Variants in XYLT1 observed in about 807,000 individuals in gnomAD.
XYLT1 encodes the protein beta-D-xylosyltransferase 1.
XYLT1 carries 36 observed loss-of-function variants against 91.3 expected under a neutral mutation model. The observed-to-expected ratio is 0.39, with a 90% CI of 0.30 to 0.52. The LOEUF is 0.52. XYLT1 is among the 20% of genes least tolerant of loss of function. The pLI is 0.68. For missense variants in XYLT1, 1,242 were observed against 1,284.5 expected (o/e 0.97, Z 0.51); for synonymous variants, 588 against 532.0 (o/e 1.11, Z -1.45).
chr16:17,449,192 T>C (rs2036632139), intron 1 of XYLT1, among the ~76,000 whole-genome samples: 1 of 152,170 alleles, frequency 6.6e-6, no homozygotes, highest in South Asian at 2.1e-4. Flanking sequence ...TCTCTTCCAC[T>C]CTCTCCTGCT....
chr16:17,109,705 T>C (rs991821683), intron 11 of XYLT1, among the ~76,000 whole-genome samples: 1 of 152,236 alleles, frequency 6.6e-6, no homozygotes, highest in Non-Finnish European at 1.5e-5. Context: ...AGCTGAGTAT[T>C]TGAGACAGAC....
At chr16:17,461,107 T>C (rs948929078) in intron 1 of XYLT1, among the ~76,000 whole-genome samples, 2 of 152,218 alleles carry the variant, frequency 1.3e-5, no homozygotes, top group African/African-American at 2.4e-5. Context: ...CCCCACAGCA[T>C]CTGCCCATCT....
chr16:17,357,384 TC>T (rs1333128369), intron 2 of XYLT1, among the ~76,000 whole-genome samples: 2 of 152,128 alleles, frequency 1.3e-5, no homozygotes, highest in African/African-American at 4.8e-5. Flanking sequence ...GAGGTGGAAT[TC>T]CACCTGGCTC....
At chr16:17,469,201 C>G (rs755461639) in intron 1 of XYLT1, among the ~76,000 whole-genome samples, 1 of 152,236 alleles carries the variant, frequency 6.6e-6, no homozygotes, top group Non-Finnish European at 1.5e-5. Context: ...GAAAGCATCA[C>G]GCTGTGTACT....
intron 1 of XYLT1, among the ~76,000 whole-genome samples, chr16:17,400,573 G>T (rs1360441985): frequency 7.2e-6 from 1 of 138,508 alleles, no homozygotes; most frequent in Non-Finnish European, 1.6e-5. Flanking sequence ...CTGGGTGACA[G>T]AAAGAGACTC....
chr16:17,188,211 G>A (rs2032230179), intron 5 of XYLT1, among the ~76,000 whole-genome samples: 1 of 151,968 alleles, frequency 6.6e-6, no homozygotes, highest in African/African-American at 2.4e-5. Flanking sequence ...TTGTGATCTG[G>A]CCTCCCCACT....
At chr16:17,191,287 A>C (rs994846568) in intron 5 of XYLT1, among the ~76,000 whole-genome samples, 1 of 152,220 alleles carries the variant, frequency 6.6e-6, no homozygotes, top group African/African-American at 2.4e-5. Flanking sequence ...TAACTACAGG[A>C]ATTCTTTGAC....
intron 2 of XYLT1, among the ~76,000 whole-genome samples, chr16:17,332,598 ACAC>A (rs2034917417): frequency 6.6e-6 from 1 of 151,618 alleles, no homozygotes; most frequent in Non-Finnish European, 1.5e-5. Context: ...ACACACACAC[ACAC>A]ACACACACAC....
At chr16:17,357,190 A>C (rs28529129) in intron 2 of XYLT1, among the ~76,000 whole-genome samples, 101 of 146,552 alleles carry the variant, frequency 6.9e-4, no homozygotes, top group Non-Finnish European at 4.8e-4. Flanking sequence ...AAAAAAAAAA[A>C]AAAAAAAAAC....
chr16:17,454,887 A>C, intron 1 of XYLT1, among the ~76,000 whole-genome samples: 1 of 139,832 alleles, frequency 7.2e-6, no homozygotes, highest in Non-Finnish European at 1.5e-5. Context: ...ACGCGTCACA[A>C]AATATCATTC....
rs552824987 is a variant in XYLT1 at position 17,364,275 on chromosome 16, A to G, written c.364-6225T>C. Among the ~76,000 whole-genome samples the G allele has an allele frequency of 7.9e-5, 12 of 152,314 alleles. No individual in the cohort carries two copies. The South Asian group carries it at 8.3e-4, about 11-fold the overall frequency. On this transcript the variant is annotated intron_variant, in intron 1 of 11. Transcript: ENST00000261381. ...AACAGAGCTACTGTAACAAAGTGGA[A>G]AACAGATTTTCTGGGACCTTTTTGT...
In XYLT1 at chr16:17,155,508, C is replaced by A. The variant is rs115125960; in HGVS notation, c.1370+3321G>T. Among the ~76,000 whole-genome samples the A allele has an allele frequency of 4.8e-3, 733 of 152,294 alleles. 6 individuals are homozygous for A. Among genetic ancestry groups the A allele is most frequent in the African/African-American group, 0.017 (698 of 41,546 alleles). On this transcript the variant is annotated intron_variant, in intron 6 of 11. Coordinates refer to ENST00000261381, the MANE Select transcript of XYLT1 (RefSeq NM_022166.4). ...CAAAAGAGTTCTCCCTAACACATCA[C>A]CAGTGAAAGAACTTGAGCAAGCCAC...
intron 1 of XYLT1, among the ~76,000 whole-genome samples, chr16:17,371,885 A>C (rs1487105731): frequency 1.3e-5 from 2 of 152,224 alleles, no homozygotes; most frequent in African/African-American, 4.8e-5. Context: ...CACATATGTG[A>C]GCATCCACAT....
At chr16:17,332,093 G>A in intron 2 of XYLT1, among the ~76,000 whole-genome samples, 1 of 152,210 alleles carries the variant, frequency 6.6e-6, no homozygotes. Flanking sequence ...GCCCCTGGAT[G>A]TTCACCCTGT....
intron 1 of XYLT1, among the ~76,000 whole-genome samples, chr16:17,379,887 G>A (rs79432202): frequency 0.019 from 2,855 of 152,130 alleles, 46 homozygotes; most frequent in Non-Finnish European, 0.032. Context: ...GTATTTGAAA[G>A]ATTGCTTAGG....
At chr16:17,433,641 G>A (rs1362796651) in intron 1 of XYLT1, among the ~76,000 whole-genome samples, 1 of 152,190 alleles carries the variant, frequency 6.6e-6, no homozygotes, top group Non-Finnish European at 1.5e-5. Flanking sequence ...TCTGGGTGCT[G>A]GGTAGTTGAG....
intron 1 of XYLT1, among the ~76,000 whole-genome samples, chr16:17,401,369 T>C (rs957948995): frequency 6.6e-6 from 1 of 152,280 alleles, no homozygotes; most frequent in Non-Finnish European, 1.5e-5. Flanking sequence ...CCTAAATTTA[T>C]ACAGAGAGAT....
intron 2 of XYLT1, among the ~76,000 whole-genome samples, chr16:17,336,801 GT>G (rs2141843226): frequency 6.6e-6 from 1 of 152,334 alleles, no homozygotes; most frequent in African/African-American, 2.4e-5. Context: ...CTCCCTGCCA[GT>G]GGCTGCCTCT....
intron 6 of XYLT1, among the ~76,000 whole-genome samples, chr16:17,144,673 C>T (rs2031085964): frequency 6.6e-6 from 1 of 152,182 alleles, no homozygotes; most frequent in African/African-American, 2.4e-5. Context: ...AAAGGTCATA[C>T]ATTTTTAATA....
Sources: allele counts gnomAD v4.1 joint callset (sites outside exome capture counted in the v4.1 genomes callset), GRCh38; gene constraint gnomAD v4.1.1; transcripts MANE v1.5; gene names NCBI Gene and HGNC (gene_info 2026-07-23, HGNC 2026-07-21).